The following TRIM33 variants were observed in gnomAD, a reference collection of about 807,000 sequenced individuals.
The protein encoded by TRIM33 is E3 ubiquitin-protein ligase TRIM33.
TRIM33 carries 20 observed loss-of-function variants against 125.4 expected under a neutral mutation model. The observed-to-expected ratio is 0.16, with a 90% confidence interval of 0.11 to 0.23. The LOEUF is 0.23. Among genes scored for constraint, TRIM33 ranks in the 10% least tolerant of loss-of-function variants. The probability of loss-of-function intolerance (pLI) is 1.00; values close to 1 mark genes in which losing one functional copy is unlikely to be tolerated. For synonymous variants in TRIM33, 564 were observed against 513.9 expected, an observed-to-expected ratio of 1.10 and a Z score of -1.32; for missense variants, 920 against 1,411.4, an observed-to-expected ratio of 0.65 and a Z score of 5.58.
At chr1:114,507,696 A>C (rs1038526535) in intron 1 of TRIM33, among the ~76,000 whole-genome samples, 1 of 152,252 alleles carries the variant, frequency 6.6e-6, no homozygotes, top group African/African-American at 2.4e-5. Flanking sequence ...AAATAGCTAA[A>C]GAGCTGAACT....
intron 1 of TRIM33, among the ~76,000 whole-genome samples, chr1:114,494,791 A>C (rs183990464): frequency 5.9e-5 from 9 of 152,358 alleles, no homozygotes; most frequent in Admixed American, 2.6e-4. Context: ...AAAATTATGA[A>C]ATCAAACTAA....
intron 1 of TRIM33, among the ~76,000 whole-genome samples, chr1:114,501,678 A>C (rs995042733): frequency 6.6e-6 from 1 of 152,212 alleles, no homozygotes; most frequent in Admixed American, 6.5e-5. Context: ...GCTCAGAATA[A>C]ATCTTCAACC....
chr1:114,485,547 G>A (rs1285131982), intron 1 of TRIM33, among the ~76,000 whole-genome samples: 1 of 152,148 alleles, frequency 6.6e-6, no homozygotes, highest in Non-Finnish European at 1.5e-5. Context: ...AGGGCTCAGT[G>A]GAACTGAACT....
rs146501066 is a variant in TRIM33 at position 114,418,946 on chromosome 1, G to A, written c.2061+2490C>T. Among the ~76,000 whole-genome samples, 706 of 152,042 alleles carry A rather than the reference G, an allele frequency of 4.6e-3. 3 individuals are homozygous for A. The highest frequency in any genetic ancestry group is 7.7e-3 in the Non-Finnish European group (521 of 67,982). On this transcript the variant is annotated intron_variant, in intron 11 of 19. Transcript: ENST00000358465. ...TTGAAAAACCCCTAAGCTGCCAGGC[G>A]CAGTGGCTCACACCTGTAATCCTAG...
chr1:114,430,659 G>A, intron 6 of TRIM33, 139 bp downstream of exon 6: 1 of 624,610 alleles, frequency 1.6e-6, no homozygotes, highest in Non-Finnish European at 2.8e-6. Flanking sequence ...TCTTCCAAAA[G>A]TAAATTTTAA....
chr1:114,421,654 A>G lies in TRIM33; in HGVS notation c.1861-18T>C. 6.2e-7 allele frequency: 1 copy of G among 1,612,080 alleles called. No homozygotes were observed. ...TTTGAGTGCTAATAAGAAAGAAGAC[A>G]TTATCATTACTTGATCTGCCAGAAT... On this transcript the variant is annotated intron_variant, in intron 10 of 19. Transcript: ENST00000358465.
intron 8 of TRIM33, among the ~76,000 whole-genome samples, chr1:114,426,663 T>A (rs1647607666): frequency 6.6e-6 from 1 of 152,184 alleles, no homozygotes; most frequent in Non-Finnish European, 1.5e-5. Context: ...CTGAGCTCTC[T>A]GTAACTTTCA....
At chr1:114,412,520 C>T (rs1430266246) in intron 11 of TRIM33, among the ~76,000 whole-genome samples, 1 of 152,218 alleles carries the variant, frequency 6.6e-6, no homozygotes, top group African/African-American at 2.4e-5. Flanking sequence ...CCATGGTAAT[C>T]AATCCCTCTC....
chr1:114,469,939 T>C (rs545837496), intron 1 of TRIM33, among the ~76,000 whole-genome samples: 1 of 152,170 alleles, frequency 6.6e-6, no homozygotes, highest in Non-Finnish European at 1.5e-5. Flanking sequence ...TAAAATAATA[T>C]CATAGAGTAA....
At chr1:114,501,495 C>T (rs528884467) in intron 1 of TRIM33, among the ~76,000 whole-genome samples, 1 of 152,258 alleles carries the variant, frequency 6.6e-6, no homozygotes, top group South Asian at 2.1e-4. Context: ...AAGGAAAAAA[C>T]TGTATATATG....
At chr1:114,452,704 C>G (rs1159097128) in intron 4 of TRIM33, among the ~76,000 whole-genome samples, 1 of 127,214 alleles carries the variant, frequency 7.9e-6, no homozygotes, top group Non-Finnish European at 1.6e-5. Flanking sequence ...AAGACCCGGG[C>G]AACATGGCAA....
At chr1:114,479,861 G>T (rs913400897) in intron 1 of TRIM33, among the ~76,000 whole-genome samples, 1 of 152,020 alleles carries the variant, frequency 6.6e-6, no homozygotes, top group African/African-American at 2.4e-5. Context: ...CGGGAGGGAG[G>T]AAGGGGGCGC....
intron 4 of TRIM33, among the ~76,000 whole-genome samples, chr1:114,457,266 T>C (rs902457839): frequency 5.9e-5 from 9 of 152,120 alleles, no homozygotes; most frequent in African/African-American, 2.2e-4. Flanking sequence ...CGCCATGATT[T>C]TGGGAAGTGT....
At chr1:114,434,785 T>C (rs1003578311) in intron 4 of TRIM33, among the ~76,000 whole-genome samples, 2 of 152,206 alleles carry the variant, frequency 1.3e-5, no homozygotes, top group Admixed American at 1.3e-4. Context: ...AATTCACGTA[T>C]ATATAATTTA....
rs551721136 is a variant in TRIM33 at position 114,398,551 on chromosome 1, A to G, written c.3121-561T>C. Among the ~76,000 whole-genome samples the G allele has an allele frequency of 3.9e-5, 6 of 152,300 alleles. No homozygotes were observed. The South Asian group carries it at 1.0e-3, about 26-fold the overall frequency. ...CTAATATACTCTGTGCCATACTGCT[A>G]TAAAGGTGACTTAGAATTTTCACCT... On this transcript the variant is annotated intron_variant, in intron 18 of 19. Coordinates refer to ENST00000358465, the MANE Select transcript of TRIM33 (RefSeq NM_015906.4).
chr1:114,484,248 A>C (rs1651532194), intron 1 of TRIM33, among the ~76,000 whole-genome samples: 1 of 152,192 alleles, frequency 6.6e-6, no homozygotes, highest in African/African-American at 2.4e-5. Context: ...GACTTAAATG[A>C]GTTATTTTAT....
chr1:114,471,447 A>G (rs1310028045), intron 1 of TRIM33, among the ~76,000 whole-genome samples: 5 of 151,772 alleles, frequency 3.3e-5, no homozygotes, highest in Non-Finnish European at 7.4e-5. Flanking sequence ...CTGTCTCAAA[A>G]AAAAAAAAAA....
chr1:114,497,404 TTCCTGCCTCAGCC>T (rs1046078603), intron 1 of TRIM33, among the ~76,000 whole-genome samples: 2 of 152,088 alleles, frequency 1.3e-5, no homozygotes, highest in African/African-American at 4.8e-5. Flanking sequence ...TCAAGAGATT[TTCCTGCCTCAGCC>T]TCCCAAGTAG....
At chr1:114,435,877 C>CT (rs34327766) in intron 4 of TRIM33, among the ~76,000 whole-genome samples, 1,945 of 73,220 alleles carry the variant, frequency 0.027, 149 homozygotes, top group African/African-American at 0.063. Context: ...TAGACACCCG[C>CT]TTTTTTTTTT....
Sources: gnomAD v4.1 joint callset for allele counts (sites outside exome capture counted in the v4.1 genomes callset) on GRCh38, gnomAD v4.1.1 for gene constraint, MANE v1.5 for transcripts, NCBI Gene and HGNC (gene_info 2026-07-23, HGNC 2026-07-21) for gene names.